The following ROBO2 variants were observed in gnomAD, a reference collection of about 807,000 sequenced individuals.
ROBO2 encodes roundabout guidance receptor 2, also known as roundabout homolog 2.
ROBO2 carries 53 observed loss-of-function variants against 160.8 expected under a neutral mutation model. The ratio of observed to expected loss-of-function variants is 0.33; its 90% CI spans 0.26 to 0.41. The LOEUF (loss-of-function observed/expected upper bound fraction) is 0.41. ROBO2 is among the 10% of genes least tolerant of loss of function. ROBO2 has a pLI of 1.00. For synonymous variants in ROBO2, 664 were observed against 611.7 expected (o/e 1.09, Z -1.26); for missense variants, 1,577 against 1,722.4 (o/e 0.92, Z 1.49).
At chr3:76,268,522 C>G (rs1337676762) in intron 2 of ROBO2, among the ~76,000 whole-genome samples, 1 of 152,132 alleles carries the variant, frequency 6.6e-6, no homozygotes, top group Non-Finnish European at 1.5e-5. Context: ...GTTGTGTCCT[C>G]ACATGGTCTT....
At chr3:77,643,568 G>T (rs913810759) in intron 24 of ROBO2, among the ~76,000 whole-genome samples, 3 of 152,056 alleles carry the variant, frequency 2.0e-5, no homozygotes, top group East Asian at 1.9e-4. Context: ...AGATTTTTTT[G>T]GGGGGAGAGG....
intron 2 of ROBO2, among the ~76,000 whole-genome samples, chr3:75,986,783 C>T (rs914480318): frequency 1.3e-5 from 2 of 151,472 alleles, no homozygotes; most frequent in African/African-American, 4.8e-5. Flanking sequence ...GTTGTTTCAC[C>T]ACCATCCCAC....
intron 2 of ROBO2, among the ~76,000 whole-genome samples, chr3:76,419,248 T>C (rs1380858959): frequency 6.6e-6 from 1 of 152,180 alleles, no homozygotes; most frequent in Non-Finnish European, 1.5e-5. Flanking sequence ...GTGAACAACA[T>C]TGCCATTAAA....
At chr3:76,774,825 T>C (rs995226529) in intron 2 of ROBO2, among the ~76,000 whole-genome samples, 5 of 150,042 alleles carry the variant, frequency 3.3e-5, no homozygotes, top group African/African-American at 1.2e-4. Flanking sequence ...TTTTTTTTTT[T>C]CCCGAGAGGT....
chr3:77,584,155 G>C lies in ROBO2; in HGVS notation c.2500+4037G>C, dbSNP rs185582710. 1.5e-4 allele frequency among the ~76,000 whole-genome samples: 23 copies of C among 152,108 alleles called. No individual in the cohort carries two copies. In the East Asian group the frequency reaches 4.5e-3, roughly 29 times the overall value. On this transcript the variant is annotated intron_variant, in intron 16 of 25. Coordinates refer to ENST00000461745, the Ensembl canonical transcript of ROBO2. ...CTCCACCATCTCCCTCTTTCATATG[G>C]TTCTCCTCTCTATTTTAAGTCACTC...
intron 2 of ROBO2, among the ~76,000 whole-genome samples, chr3:76,498,271 A>G (rs189650766): frequency 1.3e-4 from 20 of 152,292 alleles, no homozygotes; most frequent in Non-Finnish European, 2.8e-4. Context: ...AGGCATTACA[A>G]TGTATTTGAG....
chr3:77,425,664 T>C (rs181888334), intron 2 of ROBO2, among the ~76,000 whole-genome samples: 8 of 141,606 alleles, frequency 5.6e-5, no homozygotes, highest in Non-Finnish European at 1.2e-4. Context: ...GACTTCAATA[T>C]GACTCTTTTT....
intron 2 of ROBO2, among the ~76,000 whole-genome samples, chr3:76,215,871 A>C (rs1240216176): frequency 6.6e-6 from 1 of 152,180 alleles, no homozygotes; most frequent in East Asian, 1.9e-4. Flanking sequence ...GATTCACCAA[A>C]GTTGAAATGA....
intron 1 of ROBO2, among the ~76,000 whole-genome samples, chr3:77,090,880 T>A (rs568985129): frequency 1.3e-5 from 2 of 152,300 alleles, no homozygotes; most frequent in East Asian, 3.9e-4. Flanking sequence ...TCTTCCTGGG[T>A]TAATTCTATT....
At chr3:76,358,425 A>T (rs907430973) in intron 2 of ROBO2, among the ~76,000 whole-genome samples, 5 of 151,908 alleles carry the variant, frequency 3.3e-5, no homozygotes. Context: ...TTACCCTTTT[A>T]CTAGAGTACT....
At chr3:77,648,141 T>C (rs2095425156) in exon 26 of ROBO2, 1 of 152,198 alleles carries the variant, frequency 6.6e-6, no homozygotes, top group Non-Finnish European at 1.5e-5. Flanking sequence ...GAAAAGTTTC[T>C]TCAAAGAGTG....
chr3:76,043,620 CAAAAAAAAAAAAA>C (rs56988287), intron 2 of ROBO2, among the ~76,000 whole-genome samples: 7 of 38,448 alleles, frequency 1.8e-4, no homozygotes, highest in African/African-American at 6.0e-4. Flanking sequence ...CTTCATCGTC[CAAAAAAAAAAAAA>C]AAAAAAAAAA....
intron 2 of ROBO2, among the ~76,000 whole-genome samples, chr3:76,073,940 G>C (rs968476554): frequency 1.3e-5 from 2 of 152,164 alleles, no homozygotes; most frequent in Non-Finnish European, 2.9e-5. Context: ...GTGTGGAAAT[G>C]TGAAGCTGAG....
At chr3:76,604,948 C>T (rs1184395777) in intron 2 of ROBO2, among the ~76,000 whole-genome samples, 1 of 152,096 alleles carries the variant, frequency 6.6e-6, no homozygotes, top group Non-Finnish European at 1.5e-5. Context: ...GAGGTGCCAG[C>T]ATAGGTTAAG....
intron 2 of ROBO2, among the ~76,000 whole-genome samples, chr3:77,109,445 G>T (rs184335022): frequency 1.3e-5 from 2 of 152,204 alleles, no homozygotes; most frequent in East Asian, 3.9e-4. Flanking sequence ...AAAAACCAAG[G>T]CATGGCTCTT....
chr3:76,127,616 A>G (rs1225300074), intron 2 of ROBO2, among the ~76,000 whole-genome samples: 2 of 151,790 alleles, frequency 1.3e-5, no homozygotes, highest in Non-Finnish European at 2.9e-5. Context: ...ATATATATAC[A>G]TATACTATCA....
intron 2 of ROBO2, among the ~76,000 whole-genome samples, chr3:76,778,971 T>C (rs903281780): frequency 6.6e-6 from 1 of 151,040 alleles, no homozygotes; most frequent in Non-Finnish European, 1.5e-5. Flanking sequence ...TCACATGTGT[T>C]TGTGTTAACT....
chr3:76,563,486 T>A (rs566883426), intron 2 of ROBO2, among the ~76,000 whole-genome samples: 2 of 152,226 alleles, frequency 1.3e-5, no homozygotes, highest in African/African-American at 2.4e-5. Flanking sequence ...TGTCCCTTTA[T>A]GAAAAGTGCT....
chr3:77,133,969 A>C (rs1397023094), intron 2 of ROBO2, among the ~76,000 whole-genome samples: 3 of 152,156 alleles, frequency 2.0e-5, no homozygotes, highest in African/African-American at 4.8e-5. Context: ...TGTATCATAG[A>C]AACATAAAAA....
Sources: allele counts gnomAD v4.1 joint callset (sites outside exome capture counted in the v4.1 genomes callset), GRCh38; gene constraint gnomAD v4.1.1; transcripts MANE v1.5; gene names NCBI Gene and HGNC (gene_info 2026-07-23, HGNC 2026-07-21).